Variants in ADPRHL1 observed in about 807,000 individuals in gnomAD.
ADPRHL1 encodes inactive ADP-ribosyltransferase ARH2.
In ADPRHL1, 43 loss-of-function variants were observed where a neutral mutation model predicts 44.1. That is an observed-to-expected ratio of 0.98 (90% CI 0.76 to 1.26). The LOEUF (loss-of-function observed/expected upper bound fraction) is 1.26. ADPRHL1 is among the 50% of genes most tolerant of loss of function. The pLI, the probability that ADPRHL1 is intolerant of heterozygous loss-of-function variation, is 0.00. For synonymous variants in ADPRHL1, 878 were observed against 1,017.4 expected, an observed-to-expected ratio of 0.86 and a Z score of 2.61; for missense variants, 2,022 against 2,496.9, an observed-to-expected ratio of 0.81 and a Z score of 4.05.
At chr13:113,408,824 A>C (rs904641667) in intron 7 of ADPRHL1, among the ~76,000 whole-genome samples, 13 of 42,742 alleles carry the variant, frequency 3.0e-4, no homozygotes, top group African/African-American at 1.6e-3. Context: ...TGCAGTGGGC[A>C]GTGCCCACCA....
intron 1 of ADPRHL1, chr13:113,449,328 A>C: frequency 1.7e-6 from 1 of 579,028 alleles, no homozygotes; most frequent in Non-Finnish European, 2.2e-6. Context: ...AGAGAGGCTC[A>C]CCCGGAAGGA....
chr13:113,452,896 G>T (rs981944188), intron 1 of ADPRHL1, among the ~76,000 whole-genome samples: 5 of 152,196 alleles, frequency 3.3e-5, no homozygotes, highest in African/African-American at 1.2e-4. Context: ...GGCTTCACTG[G>T]CTTTAACTCT....
intron 6 of ADPRHL1, among the ~76,000 whole-genome samples, chr13:113,423,447 G>A (rs752116191): frequency 7.2e-5 from 11 of 152,238 alleles, no homozygotes; most frequent in South Asian, 2.1e-4. Context: ...CTGGGGTCAC[G>A]GAGGAAACCC....
At position 113,400,558 on chromosome 13, in the gene ADPRHL1, C is replaced by T. The variant is rs1310037835; in HGVS notation, c.*2820G>A. 6.6e-6 allele frequency: 1 copy of T among 152,072 alleles called. No homozygotes were observed. The highest frequency in any genetic ancestry group is 1.5e-5 in the Non-Finnish European group (1 of 68,034). The allele number at this position is 152,072 out of a possible 1,614,324, so 9.4% of individuals were successfully genotyped here. A position where few individuals can be genotyped will look rare whatever the true frequency, so the allele number is the denominator to read the frequency against. On this transcript the variant is annotated 3_prime_UTR_variant, in exon 8 of 8. Transcript: ENST00000612156. ...TTCTTCTGCTGTAGTTATTTCACCC[C>T]GGGAGGGTGTGGGCCTTAGCCATGT... is the stretch of plus-strand genomic sequence containing the variant.
chr13:113,414,514 C>T (rs1000970248), intron 7 of ADPRHL1, among the ~76,000 whole-genome samples: 1 of 151,194 alleles, frequency 6.6e-6, no homozygotes, highest in Non-Finnish European at 1.5e-5. Flanking sequence ...GATATGCTCT[C>T]AGGGCACTAC....
intron 7 of ADPRHL1, among the ~76,000 whole-genome samples, chr13:113,420,896 C>T (rs1417258341): frequency 7.0e-6 from 1 of 143,720 alleles, no homozygotes; most frequent in Non-Finnish European, 1.5e-5. Flanking sequence ...GGGACCCGCT[C>T]ACCCCGGGAC....
At chr13:113,440,566 C>T (rs1189212278) in intron 2 of ADPRHL1, among the ~76,000 whole-genome samples, 1 of 151,928 alleles carries the variant, frequency 6.6e-6, no homozygotes, top group African/African-American at 2.4e-5. Flanking sequence ...AGCAATTCTC[C>T]TGCCTCAGCC....
At chr13:113,412,035 C>T (rs776862787) in intron 7 of ADPRHL1, among the ~76,000 whole-genome samples, 1 of 152,170 alleles carries the variant, frequency 6.6e-6, no homozygotes, top group Non-Finnish European at 1.5e-5. Flanking sequence ...CTTGAACCTG[C>T]GGGTGGTTCC....
chr13:113,402,040 C>T lies in ADPRHL1; in HGVS notation c.*1338G>A, dbSNP rs2043766099. On this transcript the variant is annotated 3_prime_UTR_variant, in exon 8 of 8. Transcript: ENST00000612156. ...CTTAGGGCTGTTTCAGGAAACCGCT[C>T]AGTAGCAAAGGCAGAAGATGCCAAG... 6.6e-6 allele frequency: 1 copy of T among 152,298 alleles called. No homozygotes were observed. Among genetic ancestry groups the T allele is most frequent in the Non-Finnish European group, 1.5e-5 (1 of 68,050 alleles). The allele number at this position is 152,298 out of a possible 1,614,324, so 9.4% of individuals were successfully genotyped here.
chr13:113,437,269 G>A (rs1473564741), intron 2 of ADPRHL1, among the ~76,000 whole-genome samples: 9 of 150,088 alleles, frequency 6.0e-5, no homozygotes, highest in African/African-American at 1.7e-4. Flanking sequence ...GAACATAGGT[G>A]TACCCCGGGA....
rs1361590593 is a variant in ADPRHL1 at position 113,401,582 on chromosome 13, C to G, written c.*1796G>C. Reference sequence around the variant, plus strand: ...GAACCCACACGCCAAGCAGAAACCCCTCGAAGCGGGCTGGGAGCACGGACC... The same window carrying G: ...GAACCCACACGCCAAGCAGAAACCCGTCGAAGCGGGCTGGGAGCACGGACC... On this transcript the variant is annotated 3_prime_UTR_variant, in exon 8 of 8. Transcript: ENST00000612156. This position sits in a 1 kb window ranked among gnomAD's most constrained non-coding sequence, Gnocchi z 5.5. 6.6e-6 allele frequency: 1 copy of G among 152,282 alleles called. No individual in the cohort carries two copies. 9.4% of individuals were successfully genotyped at this position (152,282 alleles called of 1,614,324 possible).
At chr13:113,444,698 C>A in intron 1 of ADPRHL1, 109 bp from the exon 2 acceptor site, 1 of 1,310,650 alleles carries the variant, frequency 7.6e-7, no homozygotes. Context: ...AGGGCAGACA[C>A]TGCAAACTCT....
chr13:113,410,269 C>G (rs2043842393), intron 7 of ADPRHL1, among the ~76,000 whole-genome samples: 1 of 152,188 alleles, frequency 6.6e-6, no homozygotes, highest in Non-Finnish European at 1.5e-5. Context: ...CCCCCAAACC[C>G]CGGTGGGCAT....
Position 113,403,700 on chromosome 13 carries a change from T to C in ADPRHL1, c.5582A>G (p.Tyr1861Cys). ...GAGGGGGCGGCTTCCTGGGGGTGGG[T>C]ACCCGGCGCTGGGCTCCCCCAGGCC... ...GSGLGEPSAG[Y>C]PPPGSRPLRG... is the part of the protein sequence containing the mutation. The change falls in exon 8 of 8, where the codon TAC (tyrosine) becomes TGC (cysteine). Residue 1861 changes from tyrosine to cysteine, a missense_variant. Around this residue, in one of 8 missense-constraint regions of ADPRHL1, gnomAD observed 205 missense variants for 250.1 expected, o/e 0.82. Transcript: ENST00000612156. 8.1e-7 allele frequency: 1 copy of C among 1,231,822 alleles called. No individual in the cohort carries two copies. The highest frequency in any genetic ancestry group is 1.0e-6 in the Non-Finnish European group (1 of 988,172). 76.3% of individuals were successfully genotyped at this position (1,231,822 alleles called of 1,614,324 possible).
In ADPRHL1 at chr13:113,453,275, C is replaced by T. The variant is rs149499588; in HGVS notation, c.163G>A (p.Val55Met). The T allele has an allele frequency of 9.1e-5, 147 of 1,614,050 alleles. No individual in the cohort carries two copies. The highest frequency in any genetic ancestry group is 1.6e-4 in the African/African-American group (12 of 74,928). The change falls in exon 1 of 8, where the codon GTG (valine) becomes ATG (methionine). Residue 55 changes from valine (V) to methionine (M), a missense_variant. Physicochemically the swap from Val to Met is conservative, Grantham distance 21. Around this residue, in one of 8 missense-constraint regions of ADPRHL1, gnomAD observed 437 missense variants for 430.7 expected, o/e 1.01. Coordinates refer to ENST00000612156, the MANE Select transcript of ADPRHL1 (RefSeq NM_001394807.1). The surrounding 1 kb of genome is among the most constrained non-coding windows in gnomAD (Gnocchi z 5.4). ...ATGTGCATGATGGTGTTGTCACTCACGGGCCATTCTCCTGGCGAGAGTACG... is the reference window on the plus strand; with the variant it reads ...ATGTGCATGATGGTGTTGTCACTCATGGGCCATTCTCCTGGCGAGAGTACG... ...HLVLSPGEWP[V>M]SDNTIMHIAT...
At chr13:113,447,665 G>A (rs1470637875) in intron 1 of ADPRHL1, among the ~76,000 whole-genome samples, 1 of 152,208 alleles carries the variant, frequency 6.6e-6, no homozygotes, top group Admixed American at 6.5e-5. Context: ...CATCACCCCA[G>A]TTCTGAGTCA....
intron 2 of ADPRHL1, among the ~76,000 whole-genome samples, chr13:113,438,652 C>T (rs1038748130): frequency 1.3e-5 from 2 of 152,082 alleles, no homozygotes; most frequent in Non-Finnish European, 2.9e-5. Flanking sequence ...CGAGATTGTG[C>T]CACTGGGTGA....
chr13:113,445,005 C>T (rs781156227), intron 1 of ADPRHL1, among the ~76,000 whole-genome samples: 5 of 152,158 alleles, frequency 3.3e-5, no homozygotes, highest in Non-Finnish European at 4.4e-5. Context: ...CTTGTGACGC[C>T]GATGGTGGAG....
Position 113,403,036 on chromosome 13 carries a change from C to T in ADPRHL1, c.*342G>A, listed in dbSNP as rs530740137. On this transcript the variant is annotated 3_prime_UTR_variant, in exon 8 of 8. Coordinates refer to ENST00000612156, the MANE Select transcript of ADPRHL1 (RefSeq NM_001394807.1). ...TGCAGATCGAAGGGGACGCACACAC[C>T]GTGCCACTGCGGGAGGTGTGAGCTC... The T allele has an allele frequency of 6.0e-5, 11 of 184,146 alleles. No homozygotes were observed. Among genetic ancestry groups the T allele is most frequent in the East Asian group, 1.3e-4 (1 of 7,688 alleles). 11.4% of individuals were successfully genotyped at this position (184,146 alleles called of 1,614,324 possible).
Sources: allele counts gnomAD v4.1 joint callset (sites outside exome capture counted in the v4.1 genomes callset), GRCh38; gene constraint gnomAD v4.1.1; regional missense constraint gnomAD v4.1.1; non-coding constraint Gnocchi (gnomAD v3.1); transcripts MANE v1.5; gene names NCBI Gene and HGNC (gene_info 2026-07-23, HGNC 2026-07-21).